Variants in DHX15 observed in about 807,000 individuals in gnomAD.
DHX15 encodes ATP-dependent RNA helicase DHX15.
In DHX15, 11 loss-of-function variants were observed where a neutral mutation model predicts 94.4. The observed-to-expected ratio is 0.12, with a 90% CI of 0.07 to 0.19. The LOEUF (loss-of-function observed/expected upper bound fraction) is 0.19, where lower values mean the gene tolerates loss of function less well. Among genes scored for constraint, DHX15 ranks in the 10% least tolerant of loss-of-function variants. The pLI, the probability that DHX15 is intolerant of heterozygous loss-of-function variation, is 1.00. For synonymous variants in DHX15, 338 were observed against 329.9 expected (o/e 1.02, Z -0.27); for missense variants, 304 against 988.5 (o/e 0.31, Z 9.29).
intron 3 of DHX15, among the ~76,000 whole-genome samples, chr4:24,561,406 C>G (rs936174975): frequency 6.6e-6 from 1 of 152,144 alleles, no homozygotes; most frequent in Non-Finnish European, 1.5e-5. Flanking sequence ...TTGGCAACTT[C>G]TCAAAGATTT....
In DHX15 at chr4:24,573,291, G is replaced by A. The variant is rs114037026; in HGVS notation, c.508-2444C>T. Among the ~76,000 whole-genome samples, 618 of 152,154 alleles carry A rather than the reference G, an allele frequency of 4.1e-3. 4 individuals are homozygous for A. Among genetic ancestry groups the A allele is most frequent in the African/African-American group, 0.014 (570 of 41,488 alleles). On this transcript the variant is annotated intron_variant, in intron 2 of 13. Coordinates refer to ENST00000336812, the MANE Select transcript of DHX15 (RefSeq NM_001358.3). Reference sequence around the variant, plus strand: ...TGAGGGCATCTTAAAACTGATCCTCGGTGTTCTAGTCTTCTTGTTTTACAT... The same window carrying A: ...TGAGGGCATCTTAAAACTGATCCTCAGTGTTCTAGTCTTCTTGTTTTACAT...
intron 1 of DHX15, 121 bp downstream of exon 1, chr4:24,584,202 G>C (rs1197663461): frequency 2.8e-6 from 3 of 1,089,232 alleles, no homozygotes; most frequent in South Asian, 2.7e-5. Context: ...AGTGAACCCA[G>C]CCCAGAGAGA....
intron 2 of DHX15, among the ~76,000 whole-genome samples, chr4:24,574,459 C>T (rs545203584): frequency 2.6e-4 from 39 of 152,050 alleles, no homozygotes; most frequent in African/African-American, 8.7e-4. Flanking sequence ...AAATATTAAT[C>T]CAAATAATCA....
chr4:24,583,766 C>T (rs1489472194), intron 1 of DHX15, among the ~76,000 whole-genome samples: 3 of 152,048 alleles, frequency 2.0e-5, no homozygotes, highest in African/African-American at 7.3e-5. Flanking sequence ...TATTTGCTGG[C>T]TTCTCTCAAC....
At chr4:24,543,923 A>G (rs1431915597) in intron 6 of DHX15, among the ~76,000 whole-genome samples, 2 of 152,178 alleles carry the variant, frequency 1.3e-5, no homozygotes, top group Non-Finnish European at 1.5e-5. Context: ...GTCTGCTTTT[A>G]CCATTTGTAA....
intron 3 of DHX15, among the ~76,000 whole-genome samples, chr4:24,570,436 G>A (rs1722098010): frequency 6.6e-6 from 1 of 151,970 alleles, no homozygotes; most frequent in Non-Finnish European, 1.5e-5. Flanking sequence ...GCAGAACCAA[G>A]TAACTAAAAT....
In DHX15 at chr4:24,557,708, A is replaced by G. The variant is rs531167631; in HGVS notation, c.702-1298T>C. Reference sequence around the variant, plus strand: ...TAAGGTTATTTTATGTAAGACCAGGAAAGAAAAAACACTGCCAATTAAATT... The same window carrying G: ...TAAGGTTATTTTATGTAAGACCAGGGAAGAAAAAACACTGCCAATTAAATT... On this transcript the variant is annotated intron_variant, in intron 3 of 13. Transcript: ENST00000336812. Among the ~76,000 whole-genome samples, 136 of 152,248 alleles carry G rather than the reference A, an allele frequency of 8.9e-4. 1 individual carries two copies. Among genetic ancestry groups the G allele is most frequent in the Non-Finnish European group, 9.0e-4 (61 of 67,966 alleles).
Position 24,584,534 on chromosome 4 carries a change from T to C in DHX15, c.-141A>G. Reference sequence around the variant, plus strand: ...ACACGGTGCGGCCGGAACCAACAGCTAAAATGGCGGCGGCGACGAGGGCTG... The same window carrying C: ...ACACGGTGCGGCCGGAACCAACAGCCAAAATGGCGGCGGCGACGAGGGCTG... On this transcript the variant is annotated 5_prime_UTR_variant, in exon 1 of 14. Coordinates refer to ENST00000336812, the MANE Select transcript of DHX15 (RefSeq NM_001358.3). 1.3e-6 allele frequency: 1 copy of C among 797,396 alleles called. No homozygotes were observed. Among genetic ancestry groups the C allele is most frequent in the Non-Finnish European group, 1.9e-6 (1 of 538,116 alleles). 49.4% of individuals were successfully genotyped at this position (797,396 alleles called of 1,614,324 possible). A position where few individuals can be genotyped will look rare whatever the true frequency, so the allele number is the denominator to read the frequency against.
At chr4:24,558,520 A>AT (rs1308143006) in intron 3 of DHX15, among the ~76,000 whole-genome samples, 1 of 152,184 alleles carries the variant, frequency 6.6e-6, no homozygotes, top group African/African-American at 2.4e-5. Flanking sequence ...AATATTATAA[A>AT]TTAGATTAAT....
chr4:24,539,144 T>C (rs904993254), intron 10 of DHX15: 5 of 152,110 alleles, frequency 3.3e-5, no homozygotes, highest in African/African-American at 1.2e-4. Context: ...AAATAAAAAA[T>C]TCACACCATT....
intron 3 of DHX15, among the ~76,000 whole-genome samples, chr4:24,561,825 G>C (rs1577344867): frequency 6.6e-6 from 1 of 152,050 alleles, no homozygotes; most frequent in East Asian, 1.9e-4. Context: ...TACCTGTCAG[G>C]TAACTATGCT....
chr4:24,542,116 ATAAAT>A, intron 7 of DHX15, 94 bp from the exon 8 acceptor site: 2 of 1,070,752 alleles, frequency 1.9e-6, no homozygotes, highest in Non-Finnish European at 2.6e-6. Flanking sequence ...TAATTCCAAA[ATAAAT>A]AAAGAAATAT....
At chr4:24,533,095 A>G (rs1360225199) in intron 11 of DHX15, 41 bp from the exon 12 acceptor site, 1 of 1,507,082 alleles carries the variant, frequency 6.6e-7, no homozygotes, top group Non-Finnish European at 9.2e-7. Context: ...GGCACCATGA[A>G]TCACCCACAC....
At chr4:24,557,201 G>A (rs1311070767) in intron 3 of DHX15, among the ~76,000 whole-genome samples, 1 of 152,242 alleles carries the variant, frequency 6.6e-6, no homozygotes, top group East Asian at 1.9e-4. Context: ...CTTTGCAGGG[G>A]TCAGCTATCT....
chr4:24,578,589 T>C (rs745696835), intron 1 of DHX15, among the ~76,000 whole-genome samples: 2 of 152,076 alleles, frequency 1.3e-5, no homozygotes, highest in African/African-American at 2.4e-5. Context: ...TGAGATAGGA[T>C]CTTGCTCCAT....
At chr4:24,540,782 C>T (rs1185539848) in intron 9 of DHX15, 58 bp downstream of exon 9, 12 of 962,806 alleles carry the variant, frequency 1.2e-5, no homozygotes, top group Non-Finnish European at 1.6e-5. Flanking sequence ...TGGAGAAAAA[C>T]ACTAAGAGTC....
rs757249906 is a variant in DHX15 at position 24,537,218 on chromosome 4, G to A, written c.1787-45C>T. On this transcript the variant is annotated intron_variant, in intron 10 of 13. Coordinates refer to ENST00000336812, the MANE Select transcript of DHX15 (RefSeq NM_001358.3). This position sits in a 1 kb window ranked among gnomAD's most constrained non-coding sequence, Gnocchi z 4.7. ...GCCCAACACAAACGCCCATATCGAT[G>A]AGTCACGCATTCACAGATAGAGGAA... 2.5e-6 allele frequency: 4 copies of A among 1,610,772 alleles called. No individual in the cohort carries two copies. The South Asian group carries it at 4.4e-5, about 18-fold the overall frequency.
At chr4:24,536,941 G>T in intron 11 of DHX15, 110 bp downstream of exon 11, 1 of 1,273,076 alleles carries the variant, frequency 7.9e-7, no homozygotes, top group East Asian at 2.8e-5. Flanking sequence ...GTACCTCTGG[G>T]TTTCTAATAT....
intron 1 of DHX15, among the ~76,000 whole-genome samples, chr4:24,577,585 T>C (rs1355620634): frequency 1.3e-5 from 2 of 152,162 alleles, no homozygotes; most frequent in Non-Finnish European, 2.9e-5. Flanking sequence ...GTTTAACATG[T>C]TAAAATTATG....
Sources: allele counts gnomAD v4.1 joint callset (sites outside exome capture counted in the v4.1 genomes callset), GRCh38; gene constraint gnomAD v4.1.1; non-coding constraint Gnocchi (gnomAD v3.1); transcripts MANE v1.5; gene names NCBI Gene and HGNC (gene_info 2026-07-23, HGNC 2026-07-21).